Variants in MAP2K5 observed in about 807,000 individuals in gnomAD.
MAP2K5 encodes the protein mitogen-activated protein kinase kinase 5.
Under a neutral mutation model 83.1 loss-of-function variants are expected in MAP2K5, and 49 were observed. That is an observed-to-expected ratio of 0.59 (90% CI 0.47 to 0.75). MAP2K5 has a LOEUF of 0.75. MAP2K5 is among the 30% of genes least tolerant of loss of function. MAP2K5 has a pLI of 0.00. For missense variants in MAP2K5, 457 were observed against 557.5 expected (o/e 0.82, Z 1.82); for synonymous variants, 202 against 191.8 (o/e 1.05, Z -0.44).
intron 13 of MAP2K5, among the ~76,000 whole-genome samples, chr15:67,675,799 T>C (rs770133331): frequency 7.9e-5 from 12 of 152,204 alleles, no homozygotes; most frequent in Non-Finnish European, 1.6e-4. Context: ...CTCTCTCCCA[T>C]GCTTCTGTGG....
At chr15:67,648,459 T>C (rs2086878406) in intron 11 of MAP2K5, among the ~76,000 whole-genome samples, 1 of 152,256 alleles carries the variant, frequency 6.6e-6, no homozygotes, top group Non-Finnish European at 1.5e-5. Flanking sequence ...TACTACATTT[T>C]GTTTATTCTT....
In MAP2K5 at chr15:67,768,801, A is replaced by G. The variant is rs999789933; in HGVS notation, c.1135-801A>G. ...TTATTACATCCTGAGCTGTTACACT[A>G]TAAACACAGTGGCGCTCTCTGTCAT... On this transcript the variant is annotated intron_variant, in intron 19 of 21. Transcript: ENST00000178640. The surrounding 1 kb of genome is among the most constrained non-coding windows in gnomAD (Gnocchi z 4.0). Among the ~76,000 whole-genome samples the G allele has an allele frequency of 3.9e-5, 6 of 152,238 alleles. No homozygotes were observed. The highest frequency in any genetic ancestry group is 7.3e-5 in the Non-Finnish European group (5 of 68,042).
At chr15:67,660,338 A>C (rs934391742) in intron 12 of MAP2K5, among the ~76,000 whole-genome samples, 2 of 151,922 alleles carry the variant, frequency 1.3e-5, no homozygotes, top group Non-Finnish European at 2.9e-5. Flanking sequence ...CATTTGTTGC[A>C]GCTGACAAAC....
rs931858426 is a variant in MAP2K5, at chr15:67,768,163, G to A, written c.1135-1439G>A. Among the ~76,000 whole-genome samples, 3 of 151,972 alleles carry A rather than the reference G, an allele frequency of 2.0e-5. No individual in the cohort carries two copies. The highest frequency in any genetic ancestry group is 4.8e-5 in the African/African-American group (2 of 41,370). On this transcript the variant is annotated intron_variant, in intron 19 of 21. Transcript: ENST00000178640. This position sits in a 1 kb window ranked among gnomAD's most constrained non-coding sequence, Gnocchi z 4.0. ...CAGCACTTTCCAATTGTTTGAATTGGAAACAAAGCCTTAATAAGAGTTCTA... is the reference window on the plus strand; with the variant it reads ...CAGCACTTTCCAATTGTTTGAATTGAAAACAAAGCCTTAATAAGAGTTCTA...
chr15:67,562,739 A>G lies in MAP2K5; in HGVS notation c.185-544A>G, dbSNP rs2084761830. On this transcript the variant is annotated intron_variant, in intron 2 of 21. Coordinates refer to ENST00000178640, the MANE Select transcript of MAP2K5 (RefSeq NM_145160.3). The surrounding 1 kb of genome is among the most constrained non-coding windows in gnomAD (Gnocchi z 4.1). ...TAGGTTCTCCTGTGGAAAGAGAATA[A>G]TAATAATGATGTTCATGTCGCAGGT... 6.6e-6 allele frequency among the ~76,000 whole-genome samples: 1 copy of G among 152,234 alleles called. No individual in the cohort carries two copies. Among genetic ancestry groups the G allele is most frequent in the African/African-American group, 2.4e-5 (1 of 41,470 alleles).
chr15:67,716,919 A>C (rs1251375486), intron 16 of MAP2K5, among the ~76,000 whole-genome samples: 3 of 152,184 alleles, frequency 2.0e-5, no homozygotes, highest in African/African-American at 7.2e-5. Flanking sequence ...ATATTGTTTC[A>C]CTTTATAAGC....
intron 4 of MAP2K5, among the ~76,000 whole-genome samples, chr15:67,585,313 G>A (rs1334102793): frequency 1.3e-5 from 2 of 152,150 alleles, no homozygotes; most frequent in Non-Finnish European, 2.9e-5. Context: ...TCCTGGCACT[G>A]CCTTATCTCT....
intron 2 of MAP2K5, among the ~76,000 whole-genome samples, chr15:67,557,273 C>A (rs1405744204): frequency 6.6e-6 from 1 of 152,128 alleles, no homozygotes; most frequent in Non-Finnish European, 1.5e-5. Context: ...GATTGGTGTT[C>A]GTGGACAGTA....
At chr15:67,588,174 C>T in intron 6 of MAP2K5, 3 of 867,940 alleles carry the variant, frequency 3.5e-6, no homozygotes, top group Non-Finnish European at 4.2e-6. Context: ...GCTCTGTGTA[C>T]TCCAGCTTGC....
At chr15:67,550,307 T>G (rs923092008) in intron 2 of MAP2K5, among the ~76,000 whole-genome samples, 2 of 152,256 alleles carry the variant, frequency 1.3e-5, no homozygotes, top group Admixed American at 1.3e-4. Context: ...ACAATATAGC[T>G]TTAATTACCA....
At position 67,794,012 on chromosome 15, in the gene MAP2K5, G is replaced by A. The variant is rs938823901; in HGVS notation, c.1243-12634G>A. The stretch of plus-strand genomic sequence containing the variant: ...TAGACACAGCTACCATTAGAAGGAA[G>A]CTTGCAACTGAATAACTTGTCTTTC... On this transcript the variant is annotated intron_variant, in intron 21 of 21. Coordinates refer to ENST00000178640, the MANE Select transcript of MAP2K5 (RefSeq NM_145160.3). The surrounding 1 kb of genome is among the most constrained non-coding windows in gnomAD (Gnocchi z 4.6). Among the ~76,000 whole-genome samples the A allele has an allele frequency of 7.2e-5, 11 of 152,176 alleles. No homozygotes were observed. The highest frequency in any genetic ancestry group is 1.6e-4 in the Non-Finnish European group (11 of 68,032).
In MAP2K5 at chr15:67,577,157, G is replaced by C. The variant is rs1450212038; in HGVS notation, c.253-3597G>C. On this transcript the variant is annotated intron_variant, in intron 3 of 21. Coordinates refer to ENST00000178640, the MANE Select transcript of MAP2K5 (RefSeq NM_145160.3). The surrounding 1 kb of genome is among the most constrained non-coding windows in gnomAD (Gnocchi z 4.1). The stretch of plus-strand genomic sequence containing the variant: ...TCACCTTGTTAGCCGGGATGGTCTC[G>C]ATCTCCTGACCTCATGATCCACCCG... 6.6e-6 allele frequency among the ~76,000 whole-genome samples: 1 copy of C among 151,764 alleles called. No homozygotes were observed. The highest frequency in any genetic ancestry group is 2.1e-4 in the South Asian group (1 of 4,782).
rs1034085897 is a variant in MAP2K5, at chr15:67,760,943, A to T, written c.1135-8659A>T. 2.0e-5 allele frequency among the ~76,000 whole-genome samples: 3 copies of T among 152,074 alleles called. No individual in the cohort carries two copies. The highest frequency in any genetic ancestry group is 4.4e-5 in the Non-Finnish European group (3 of 68,000). On this transcript the variant is annotated intron_variant, in intron 19 of 21. Coordinates refer to ENST00000178640, the MANE Select transcript of MAP2K5 (RefSeq NM_145160.3). This position sits in a 1 kb window ranked among gnomAD's most constrained non-coding sequence, Gnocchi z 4.1. ...TCTGCTTCACTGCCGAGTTGCTGTA[A>T]TCGTTTTGCCGGCTGTTAATTTTCT...
At chr15:67,691,077 GGC>G (rs1176145371) in intron 13 of MAP2K5, among the ~76,000 whole-genome samples, 1 of 152,168 alleles carries the variant, frequency 6.6e-6, no homozygotes, top group Non-Finnish European at 1.5e-5. Context: ...TACAGAGACA[GGC>G]TCTACAGTTC....
In MAP2K5 at chr15:67,790,958, A is replaced by T. The variant is rs2090506516; in HGVS notation, c.1243-15688A>T. Among the ~76,000 whole-genome samples the T allele has an allele frequency of 6.6e-6, 1 of 152,190 alleles. No individual in the cohort carries two copies. The highest frequency in any genetic ancestry group is 1.5e-5 in the Non-Finnish European group (1 of 68,030). On this transcript the variant is annotated intron_variant, in intron 21 of 21. Coordinates refer to ENST00000178640, the MANE Select transcript of MAP2K5 (RefSeq NM_145160.3). The surrounding 1 kb of genome is among the most constrained non-coding windows in gnomAD (Gnocchi z 4.6). ...AGAAGACGAGTCAGAGCTAGGGGGA[A>T]TAAGCTGTGTTGTAGAGAATGAAAT... is the stretch of plus-strand genomic sequence containing the variant.
intron 16 of MAP2K5, among the ~76,000 whole-genome samples, chr15:67,718,964 G>A (rs1830198637): frequency 6.6e-6 from 1 of 152,012 alleles, no homozygotes; most frequent in Non-Finnish European, 1.5e-5. Context: ...TTTGTTGACT[G>A]TAATCACCTG....
At position 67,769,759 on chromosome 15, in the gene MAP2K5, T is replaced by C; in HGVS notation, c.1196+96T>C. On this transcript the variant is annotated intron_variant, in intron 20 of 21. Coordinates refer to ENST00000178640, the MANE Select transcript of MAP2K5 (RefSeq NM_145160.3). The surrounding 1 kb of genome is among the most constrained non-coding windows in gnomAD (Gnocchi z 5.2). Reference sequence around the variant, plus strand: ...AGACCTTATGGCTCTCCCTGCATCCTTTTGGAGACAGGAGGGACTTCGGGG... The same window carrying C: ...AGACCTTATGGCTCTCCCTGCATCCCTTTGGAGACAGGAGGGACTTCGGGG... 2 of 1,243,114 alleles carry C rather than the reference T, an allele frequency of 1.6e-6. No individual in the cohort carries two copies. The highest frequency in any genetic ancestry group is 2.3e-6 in the Non-Finnish European group (2 of 858,438). 77.0% of individuals were successfully genotyped at this position (1,243,114 alleles called of 1,614,324 possible).
chr15:67,771,812 G>A (rs1596947605), intron 20 of MAP2K5, among the ~76,000 whole-genome samples: 1 of 152,270 alleles, frequency 6.6e-6, no homozygotes, highest in East Asian at 1.9e-4. Flanking sequence ...TTTTCTTCTT[G>A]CTTGTTAGAA....
At chr15:67,685,614 G>A (rs935875526) in intron 13 of MAP2K5, among the ~76,000 whole-genome samples, 33 of 152,126 alleles carry the variant, frequency 2.2e-4, no homozygotes, top group African/African-American at 8.0e-4. Flanking sequence ...AGCTTATAGT[G>A]TACATAGAAG....
Sources: gnomAD v4.1 joint callset for allele counts (sites outside exome capture counted in the v4.1 genomes callset) on GRCh38, gnomAD v4.1.1 for gene constraint, Gnocchi (gnomAD v3.1) non-coding constraint, MANE v1.5 for transcripts, NCBI Gene and HGNC (gene_info 2026-07-23, HGNC 2026-07-21) for gene names.